Variants in NMD3 observed in about 807,000 individuals in gnomAD.
NMD3 encodes NMD3 ribosome export adaptor.
Under a neutral mutation model 73.1 loss-of-function variants are expected in NMD3, and 47 were observed. That is an observed-to-expected ratio of 0.64 (90% CI 0.51 to 0.82). NMD3 has a LOEUF of 0.82. Among genes scored for constraint, NMD3 ranks in the 40% least tolerant of loss-of-function variants. The probability of loss-of-function intolerance (pLI) is 0.00; values close to 1 mark genes in which losing one functional copy is unlikely to be tolerated. For synonymous variants in NMD3, 210 were observed against 194.5 expected (o/e 1.08, Z -0.66); for missense variants, 554 against 612.5 (o/e 0.90, Z 1.01).
chr3:161,252,868 G>A (rs1201332653), downstream of NMD3: 8 of 685,136 alleles, frequency 1.2e-5, no homozygotes, highest in Non-Finnish European at 2.1e-5. Context: ...GGAGGCTGAG[G>A]AGGGCAGATC....
intron 4 of NMD3, among the ~76,000 whole-genome samples, chr3:161,229,683 A>T (rs1736458917): frequency 6.6e-6 from 1 of 152,218 alleles, no homozygotes; most frequent in Non-Finnish European, 1.5e-5. Context: ...AGAGAAGGAA[A>T]GAAACTGGAG....
At chr3:161,222,116 A>C (rs1736123841) in intron 2 of NMD3, 59 bp downstream of exon 2, 2 of 1,395,124 alleles carry the variant, frequency 1.4e-6, no homozygotes, top group Non-Finnish European at 2.0e-6. Flanking sequence ...GAGCCCGGGA[A>C]ACTCACTATG....
rs940005716 is a variant in NMD3, at chr3:161,249,510, A to T, written c.1260A>T (p.Lys420Asn). 1.2e-6 allele frequency: 2 copies of T among 1,612,996 alleles called. No homozygotes were observed. Among genetic ancestry groups the T allele is most frequent in the African/African-American group, 2.7e-5 (2 of 74,836 alleles). Residue 420 changes from lysine (K) to asparagine (N), a missense_variant, in exon 14 of 16, where the codon AAA (lysine) becomes AAT (asparagine). Lys to Asn is a moderately conservative substitution (Grantham distance 94). Transcript: ENST00000351193. Reference protein sequence around the residue: ...RTKRQRRRNWKLKELAREREN... With the variant: ...RTKRQRRRNWNLKELAREREN... ...AACGTCAGCGTCGTAGAAACTGGAA[A>T]TTGAAAGAGCTTGCAAGAGAGAGAG...
chr3:161,235,298 T>G (rs973187395), intron 7 of NMD3, 86 bp downstream of exon 7: 1 of 657,836 alleles, frequency 1.5e-6, no homozygotes, highest in Admixed American at 2.9e-5. Flanking sequence ...TGATAATATC[T>G]GGATTAGTAC....
At position 161,250,700 on chromosome 3, in the gene NMD3, T is replaced by C. The variant is rs1666224583; in HGVS notation, c.1382-80T>C. The C allele has an allele frequency of 4.8e-6, 4 of 834,020 alleles. No individual in the cohort carries two copies. The African/African-American group carries it at 6.9e-5, about 14-fold the overall frequency. The allele number at this position is 834,020 out of a possible 1,614,324, so 51.7% of individuals were successfully genotyped here. A position where few individuals can be genotyped will look rare whatever the true frequency, so the allele number is the denominator to read the frequency against. The stretch of plus-strand genomic sequence containing the variant: ...TAATAATAATGATAAGGTAGATATT[T>C]GTATATTTTCAAATATATTTAATAC... On this transcript the variant is annotated intron_variant, in intron 15 of 15. Transcript: ENST00000351193.
chr3:161,252,662 G>T, downstream of NMD3: 1 of 518,448 alleles, frequency 1.9e-6, no homozygotes, highest in Non-Finnish European at 3.5e-6. Flanking sequence ...ATATCCCAAA[G>T]TTGTTATGGC....
chr3:161,234,047 A>G (rs763538642), intron 5 of NMD3, among the ~76,000 whole-genome samples: 1 of 152,196 alleles, frequency 6.6e-6, no homozygotes. Flanking sequence ...GGAATGTTCA[A>G]TCTGTATTTA....
At position 161,222,486 on chromosome 3, in the gene NMD3, T is replaced by C. The variant is rs1410740840; in HGVS notation, c.44+429T>C. ...CAGCCTCCCGAGTAGCTCGGATGAC[T>C]TCCTGATTTTTATTGGAGATTATAA... On this transcript the variant is annotated intron_variant, in intron 2 of 15. Coordinates refer to ENST00000351193, the MANE Select transcript of NMD3 (RefSeq NM_015938.5). 2.6e-5 allele frequency among the ~76,000 whole-genome samples: 4 copies of C among 152,200 alleles called. No homozygotes were observed. The South Asian group carries it at 8.3e-4, about 32-fold the overall frequency.
At chr3:161,225,846 G>C (rs1736291641) in intron 3 of NMD3, among the ~76,000 whole-genome samples, 1 of 151,732 alleles carries the variant, frequency 6.6e-6, no homozygotes, top group Non-Finnish European at 1.5e-5. Flanking sequence ...GTGTATATAT[G>C]TAAAAATATA....
intron 5 of NMD3, 122 bp downstream of exon 5, chr3:161,233,601 GT>G: frequency 1.9e-6 from 1 of 540,480 alleles, no homozygotes. Context: ...AATTTTAGCT[GT>G]TTGTTTTCTT....
chr3:161,226,956 T>C (rs1005977705), intron 3 of NMD3, among the ~76,000 whole-genome samples: 2 of 152,214 alleles, frequency 1.3e-5, no homozygotes, highest in South Asian at 2.1e-4. Context: ...GAGCATAGCT[T>C]TAAGAGACTC....
intron 3 of NMD3, 51 bp downstream of exon 3, chr3:161,225,115 A>ATAC: frequency 1.3e-6 from 2 of 1,524,210 alleles, no homozygotes; most frequent in Non-Finnish European, 1.8e-6. Context: ...TTACATTTAG[A>ATAC]GAACCACCGA....
rs1356325338 is a variant in NMD3 at position 161,222,035 on chromosome 3, A to C, written c.22A>C (p.Thr8Pro). The part of the protein sequence containing the change: MEYMAES[T>P]DRSPGHILCC... ...AACGATGGAGTATATGGCAGAATCC[A>C]CCGACCGCAGCCCTGGACACATGTG... Residue 8 changes from threonine to proline, a missense_variant, in exon 2 of 16, where the codon ACC (threonine) becomes CCC (proline). Coordinates refer to ENST00000351193, the MANE Select transcript of NMD3 (RefSeq NM_015938.5). 1.3e-6 allele frequency: 2 copies of C among 1,589,608 alleles called. No individual in the cohort carries two copies. Among genetic ancestry groups the C allele is most frequent in the South Asian group, 2.2e-5 (2 of 90,630 alleles).
At position 161,238,207 on chromosome 3, in the gene NMD3, T is replaced by C. The variant is rs749133319; in HGVS notation, c.656+16T>C. On this transcript the variant is annotated intron_variant, in intron 8 of 15. Coordinates refer to ENST00000351193, the MANE Select transcript of NMD3 (RefSeq NM_015938.5). ...TTCCCTGTAGGTATGTTCTGAACCT[T>C]GAATGTGACTAAATCTAAGGACTTG... 3 of 1,488,314 alleles carry C rather than the reference T, an allele frequency of 2.0e-6. No homozygotes were observed. Among genetic ancestry groups the C allele is most frequent in the Non-Finnish European group, 1.8e-6 (2 of 1,081,598 alleles). The allele number at this position is 1,488,314 out of a possible 1,614,324, so 92.2% of individuals were successfully genotyped here.
intron 1 of NMD3, 171 bp from the exon 2 acceptor site, chr3:161,221,823 G>C: frequency 2.1e-6 from 1 of 470,798 alleles, no homozygotes. Context: ...TCTTTTTAAC[G>C]AACTTACCCA....
intron 13 of NMD3, 52 bp downstream of exon 13, chr3:161,247,382 A>C (rs1188608685): frequency 9.1e-7 from 1 of 1,101,666 alleles, no homozygotes; most frequent in Non-Finnish European, 1.4e-6. Flanking sequence ...GATGAATGTA[A>C]CTCTTAGGGG....
At chr3:161,223,798 C>T (rs1736202837) in intron 2 of NMD3, among the ~76,000 whole-genome samples, 1 of 152,086 alleles carries the variant, frequency 6.6e-6, no homozygotes, top group Non-Finnish European at 1.5e-5. Context: ...TGGTTTTTGC[C>T]ATTGACACAC....
In NMD3 at chr3:161,238,716, T is replaced by TATAATATA. The variant is rs754789323; in HGVS notation, c.657-14_657-13insATAATATA. The stretch of plus-strand genomic sequence containing the variant: ...TCTTTGTCTTTATATTACTACTAAC[T>TATAATATA]TTTTTCTTAATAGATACAAAGCATC... On this transcript the variant is annotated splice_polypyrimidine_tract_variant and intron_variant, in intron 8 of 15. Coordinates refer to ENST00000351193, the MANE Select transcript of NMD3 (RefSeq NM_015938.5). The TATAATATA allele has an allele frequency of 2.3e-6, 3 of 1,301,952 alleles. No homozygotes were observed. Among genetic ancestry groups the TATAATATA allele is most frequent in the Non-Finnish European group, 3.3e-6 (3 of 898,682 alleles). 80.6% of individuals were successfully genotyped at this position (1,301,952 alleles called of 1,614,324 possible).
At chr3:161,252,483 G>T (rs145121191), downstream of NMD3, among the ~76,000 whole-genome samples, 114 of 152,082 alleles carry the variant, frequency 7.5e-4, no homozygotes, top group African/African-American at 2.6e-3. Context: ...GTTCTATTAA[G>T]TATTGAAACT....
Sources: gnomAD v4.1 joint callset for allele counts (sites outside exome capture counted in the v4.1 genomes callset) on GRCh38, gnomAD v4.1.1 for gene constraint, MANE v1.5 for transcripts, NCBI Gene and HGNC (gene_info 2026-07-23, HGNC 2026-07-21) for gene names.